Variants in IQGAP2 observed in about 807,000 individuals in gnomAD.
IQGAP2 encodes ras GTPase-activating-like protein IQGAP2.
Under a neutral mutation model 201.3 loss-of-function variants are expected in IQGAP2, and 173 were observed. The ratio of observed to expected loss-of-function variants is 0.86; its 90% CI spans 0.76 to 0.98. IQGAP2 has a LOEUF of 0.98. IQGAP2 is among the 50% of genes least tolerant of loss of function. The pLI is 0.00. For missense variants in IQGAP2, 1,687 were observed against 1,864.8 expected (o/e 0.90, Z 1.76); for synonymous variants, 675 against 673.9 (o/e 1.00, Z -0.03).
intron 2 of IQGAP2, among the ~76,000 whole-genome samples, chr5:76,508,304 G>A (rs1213761341): frequency 6.6e-6 from 1 of 152,058 alleles, no homozygotes; most frequent in Non-Finnish European, 1.5e-5. Flanking sequence ...GGGTGACAGA[G>A]CCAGACTCCC....
intron 34 of IQGAP2, 57 bp from the exon 35 acceptor site, chr5:76,702,425 G>A: frequency 2.4e-6 from 2 of 826,922 alleles, no homozygotes; most frequent in Non-Finnish European, 4.1e-6. Context: ...GTTTGTTTCA[G>A]CTTTAAGCAC....
At chr5:76,449,921 A>G (rs1753627235) in intron 1 of IQGAP2, among the ~76,000 whole-genome samples, 1 of 152,234 alleles carries the variant, frequency 6.6e-6, no homozygotes, top group Non-Finnish European at 1.5e-5. Flanking sequence ...AGCATGAATT[A>G]TATTTAAGGT....
chr5:76,639,666 ATCGCAGTGTGGCAGTAT>A (rs1751412723), intron 16 of IQGAP2, among the ~76,000 whole-genome samples: 1 of 152,252 alleles, frequency 6.6e-6, no homozygotes, highest in South Asian at 2.1e-4. Context: ...CATCAAAGAT[ATCGCAGTGTGGCAGTAT>A]TGCAGACAGA....
At chr5:76,624,044 A>G (rs1749994925) in intron 13 of IQGAP2, among the ~76,000 whole-genome samples, 1 of 151,814 alleles carries the variant, frequency 6.6e-6, no homozygotes, top group African/African-American at 2.4e-5. Context: ...GTTAAACTAA[A>G]ATCATAGCAC....
At chr5:76,687,337 G>T (rs1745869620) in intron 30 of IQGAP2, among the ~76,000 whole-genome samples, 1 of 152,174 alleles carries the variant, frequency 6.6e-6, no homozygotes, top group African/African-American at 2.4e-5. Flanking sequence ...TTTGGATATT[G>T]CCCAAAAGGT....
intron 5 of IQGAP2, among the ~76,000 whole-genome samples, chr5:76,585,253 T>C (rs1033575216): frequency 1.3e-5 from 2 of 152,188 alleles, no homozygotes; most frequent in Non-Finnish European, 2.9e-5. Flanking sequence ...AGGTAATATA[T>C]ATTAAAGATG....
At chr5:76,439,579 T>C (rs1177429221) in intron 1 of IQGAP2, among the ~76,000 whole-genome samples, 2 of 152,216 alleles carry the variant, frequency 1.3e-5, no homozygotes, top group Non-Finnish European at 2.9e-5. Flanking sequence ...TTGATCCTTT[T>C]GTTATTATAT....
At chr5:76,441,049 AGTAG>A (rs1339361453) in intron 1 of IQGAP2, among the ~76,000 whole-genome samples, 2 of 149,774 alleles carry the variant, frequency 1.3e-5, no homozygotes, top group Non-Finnish European at 3.0e-5. Flanking sequence ...AAAAAAAAGG[AGTAG>A]GGCCCTGAAG....
At chr5:76,508,225 T>C (rs1213753266) in intron 2 of IQGAP2, among the ~76,000 whole-genome samples, 2 of 151,034 alleles carry the variant, frequency 1.3e-5, no homozygotes, top group Non-Finnish European at 2.9e-5. Context: ...TCCCAGCTAC[T>C]CGGGAGGCTG....
In IQGAP2 at chr5:76,459,601, G is replaced by A. The variant is rs150202118; in HGVS notation, c.47-1969G>A. Among the ~76,000 whole-genome samples the A allele has an allele frequency of 8.4e-3, 1,274 of 152,266 alleles. 12 individuals are homozygous for A. The highest frequency in any genetic ancestry group is 0.011 in the Non-Finnish European group (780 of 68,020). ...GATGGAGGATTAGGTGATGGTATGT[G>A]AGTGTGGCAGGTATCATTTAAGAAA... On this transcript the variant is annotated intron_variant, in intron 1 of 35. Transcript: ENST00000274364.
At chr5:76,522,002 A>G (rs1363271687) in intron 2 of IQGAP2, among the ~76,000 whole-genome samples, 4 of 152,126 alleles carry the variant, frequency 2.6e-5, no homozygotes, top group African/African-American at 9.7e-5. Context: ...TATGTTTACA[A>G]TTAAATCATT....
chr5:76,434,011 G>A (rs35997496), intron 1 of IQGAP2, among the ~76,000 whole-genome samples: 14,469 of 151,942 alleles, frequency 0.095, 1,775 homozygotes, highest in African/African-American at 0.29. Context: ...AGAGTTTTTC[G>A]TTACTTTCTT....
chr5:76,567,561 C>G (rs998812088), intron 3 of IQGAP2, among the ~76,000 whole-genome samples: 59 of 152,216 alleles, frequency 3.9e-4, no homozygotes, highest in African/African-American at 1.4e-3. Context: ...GGAGGCAGTG[C>G]TTGTTCTAAG....
intron 17 of IQGAP2, among the ~76,000 whole-genome samples, chr5:76,644,295 C>CTTTTTTTTTTTTTTTTATTTTTT (rs1751841459): frequency 2.1e-5 from 1 of 47,778 alleles, no homozygotes; most frequent in Non-Finnish European, 4.3e-5. Context: ...TTTGTAAATC[C>CTTTTTTTTTTTTTTTTATTTTTT]TTTTTTTTTT....
rs561327045 is a variant in IQGAP2 at position 76,559,644 on chromosome 5, GC to G, written c.147-2750del. ...CTCCCCAGCTTCCGGTTCTCTCCCT[GC>G]CTTTCCAACTACAGCAGGTCCTCCA... is the stretch of plus-strand genomic sequence containing the variant. On this transcript the variant is annotated intron_variant, in intron 2 of 35. Coordinates refer to ENST00000274364, the MANE Select transcript of IQGAP2 (RefSeq NM_006633.5). 1.4e-4 allele frequency among the ~76,000 whole-genome samples: 21 copies of G among 152,248 alleles called. 1 individual carries two copies. In the South Asian group the frequency reaches 4.3e-3, roughly 32 times the overall value.
At chr5:76,610,076 CTATA>C (rs869050901) in intron 12 of IQGAP2, among the ~76,000 whole-genome samples, 206 of 18,670 alleles carry the variant, frequency 0.011, no homozygotes, top group East Asian at 0.043. Context: ...CTCTCTCTCT[CTATA>C]TATATATATA....
intron 35 of IQGAP2, among the ~76,000 whole-genome samples, chr5:76,703,722 A>G (rs901874527): frequency 1.3e-5 from 2 of 151,466 alleles, no homozygotes; most frequent in African/African-American, 4.8e-5. Flanking sequence ...TCCTTAGCAC[A>G]AAACCAATTT....
chr5:76,575,320 C>T (rs1221344891), intron 4 of IQGAP2, among the ~76,000 whole-genome samples: 1 of 152,186 alleles, frequency 6.6e-6, no homozygotes, highest in African/African-American at 2.4e-5. Flanking sequence ...ATAACAAGGA[C>T]ACCCTTCTCA....
chr5:76,497,632 C>T (rs1050907651), intron 2 of IQGAP2, among the ~76,000 whole-genome samples: 3 of 152,176 alleles, frequency 2.0e-5, no homozygotes, highest in Non-Finnish European at 4.4e-5. Context: ...TGGGCTCCCC[C>T]TCCTTACACT....
Sources: gnomAD v4.1 joint callset for allele counts (sites outside exome capture counted in the v4.1 genomes callset) on GRCh38, gnomAD v4.1.1 for gene constraint, MANE v1.5 for transcripts, NCBI Gene and HGNC (gene_info 2026-07-23, HGNC 2026-07-21) for gene names.